Variants in STXBP6 observed in about 807,000 individuals in gnomAD.
STXBP6 encodes syntaxin-binding protein 6.
A neutral mutation model predicts 26.9 loss-of-function variants in STXBP6; 21 were observed. The observed-to-expected ratio is 0.78, with a 90% CI of 0.55 to 1.12. STXBP6 has a LOEUF of 1.12. STXBP6 is among the 50% of genes most tolerant of loss of function. The probability of loss-of-function intolerance (pLI) is 0.00; values close to 1 mark genes in which losing one functional copy is unlikely to be tolerated. For missense variants in STXBP6, 232 were observed against 257.9 expected (o/e 0.90, Z 0.69); for synonymous variants, 97 against 92.6 (o/e 1.05, Z -0.27).
intron 2 of STXBP6, among the ~76,000 whole-genome samples, chr14:24,870,271 AAGT>A (rs1469735194): frequency 1.3e-5 from 2 of 152,144 alleles, no homozygotes; most frequent in African/African-American, 4.8e-5. Context: ...CAAATATGTG[AAGT>A]CCCTAGATCA....
chr14:24,934,340 C>A (rs1311432391), intron 2 of STXBP6, among the ~76,000 whole-genome samples: 1 of 152,142 alleles, frequency 6.6e-6, no homozygotes, highest in Non-Finnish European at 1.5e-5. Flanking sequence ...TTGGTCAAAG[C>A]TTCTTCCTGG....
chr14:25,044,513 CT>C (rs1050355370), intron 1 of STXBP6, among the ~76,000 whole-genome samples: 2 of 152,212 alleles, frequency 1.3e-5, no homozygotes, highest in African/African-American at 4.8e-5. Flanking sequence ...CCAGGCACCC[CT>C]GACTGCTTTC....
In STXBP6 at chr14:24,855,935, C is replaced by T. The variant is rs2069313516; in HGVS notation, c.451+1G>A. ...CTAAAGTCACACAAATGTCCACTCACCTCCCATAATTTTGGATTGGCAGTT... is the reference window on the plus strand; with the variant it reads ...CTAAAGTCACACAAATGTCCACTCATCTCCCATAATTTTGGATTGGCAGTT... On this transcript the variant is annotated splice_donor_variant, in intron 4 of 5. Coordinates refer to ENST00000323944, the MANE Select transcript of STXBP6 (RefSeq NM_001394410.1). LOFTEE classifies it high-confidence loss of function. 2 of 1,598,856 alleles carry T rather than the reference C, an allele frequency of 1.3e-6. No homozygotes were observed. Among genetic ancestry groups the T allele is most frequent in the Non-Finnish European group, 1.7e-6 (2 of 1,174,414 alleles).
intron 2 of STXBP6, among the ~76,000 whole-genome samples, chr14:24,898,087 T>C (rs187352653): frequency 6.6e-6 from 1 of 152,332 alleles, no homozygotes; most frequent in Admixed American, 6.5e-5. Flanking sequence ...AGAAATCATT[T>C]AGTTCAACTT....
At chr14:24,947,640 T>C (rs924018430) in intron 2 of STXBP6, among the ~76,000 whole-genome samples, 2 of 152,188 alleles carry the variant, frequency 1.3e-5, no homozygotes, top group Admixed American at 6.5e-5. Flanking sequence ...TGGGGAAAAC[T>C]GACTAAAAAT....
intron 1 of STXBP6, among the ~76,000 whole-genome samples, chr14:25,043,342 CCTGAAA>C (rs1457717318): frequency 1.3e-5 from 2 of 152,024 alleles, no homozygotes; most frequent in African/African-American, 4.8e-5. Context: ...GAAAATTTAA[CCTGAAA>C]CTGAAACCCT....
At chr14:24,939,806 T>C (rs533573240) in intron 2 of STXBP6, among the ~76,000 whole-genome samples, 1 of 152,364 alleles carries the variant, frequency 6.6e-6, no homozygotes, top group East Asian at 1.9e-4. Context: ...TTTTTAATAC[T>C]GAGTTTTAAA....
At chr14:24,916,571 C>T (rs1309529600) in intron 2 of STXBP6, among the ~76,000 whole-genome samples, 2 of 152,084 alleles carry the variant, frequency 1.3e-5, no homozygotes, top group Non-Finnish European at 2.9e-5. Context: ...GGTTTGTTTG[C>T]TTTGCAGGGT....
intron 1 of STXBP6, among the ~76,000 whole-genome samples, chr14:25,009,004 T>C (rs1202601880): frequency 6.6e-6 from 1 of 152,168 alleles, no homozygotes; most frequent in Non-Finnish European, 1.5e-5. Context: ...ATGTGCTAAC[T>C]CCACAGAGAG....
chr14:24,915,630 C>G (rs2007766191), intron 2 of STXBP6, among the ~76,000 whole-genome samples: 1 of 152,040 alleles, frequency 6.6e-6, no homozygotes, highest in Non-Finnish European at 1.5e-5. Flanking sequence ...ATGTGTATAG[C>G]AATAGTCTTC....
chr14:24,849,268 A>G (rs1418035542), intron 4 of STXBP6, among the ~76,000 whole-genome samples: 1 of 152,110 alleles, frequency 6.6e-6, no homozygotes, highest in Non-Finnish European at 1.5e-5. Flanking sequence ...ATTGGCTGCA[A>G]TGAGGAGGAT....
At chr14:24,941,034 A>T (rs1040291321) in intron 2 of STXBP6, among the ~76,000 whole-genome samples, 1 of 152,082 alleles carries the variant, frequency 6.6e-6, no homozygotes, top group Admixed American at 6.6e-5. Context: ...AACAAAACAA[A>T]CAAACAAAAA....
At chr14:24,969,502 T>C (rs72682965) in intron 2 of STXBP6, among the ~76,000 whole-genome samples, 10,678 of 152,300 alleles carry the variant, frequency 0.07, 500 homozygotes, top group South Asian at 0.16. Context: ...CAACTGACTA[T>C]AGACATTGTT....
At chr14:24,991,137 G>A (rs1019579023) in intron 1 of STXBP6, among the ~76,000 whole-genome samples, 20 of 148,778 alleles carry the variant, frequency 1.3e-4, no homozygotes, top group African/African-American at 5.1e-4. Flanking sequence ...GTGAGAGAAG[G>A]AGGAGGAAGA....
intron 4 of STXBP6, among the ~76,000 whole-genome samples, chr14:24,822,631 G>T (rs2068167443): frequency 6.6e-6 from 1 of 152,054 alleles, no homozygotes; most frequent in African/African-American, 2.4e-5. Context: ...AGATGAAGAT[G>T]TACACGCAGT....
At chr14:24,920,131 A>C (rs1402337691) in intron 2 of STXBP6, among the ~76,000 whole-genome samples, 1 of 152,070 alleles carries the variant, frequency 6.6e-6, no homozygotes, top group African/African-American at 2.4e-5. Flanking sequence ...AAAGCACTAC[A>C]AACATCTTGA....
At chr14:25,031,084 T>C (rs955218189) in intron 1 of STXBP6, among the ~76,000 whole-genome samples, 11 of 152,314 alleles carry the variant, frequency 7.2e-5, no homozygotes, top group African/African-American at 2.6e-4. Flanking sequence ...ACACACAATA[T>C]TGCCAAATTT....
intron 4 of STXBP6, among the ~76,000 whole-genome samples, chr14:24,835,055 T>C (rs2068572080): frequency 6.6e-6 from 1 of 152,226 alleles, no homozygotes; most frequent in South Asian, 2.1e-4. Context: ...AGATTGGTCA[T>C]ATGGCCAGTG....
At position 24,918,452 on chromosome 14, in the gene STXBP6, CCACACACACACACA is replaced by C. The variant is rs55810129; in HGVS notation, c.154+56199_154+56212del. Among the ~76,000 whole-genome samples the C allele has an allele frequency of 9.2e-3, 1,229 of 133,474 alleles. 3 individuals are homozygous for C. The highest frequency in any genetic ancestry group is 0.012 in the Non-Finnish European group (756 of 62,614). The allele number at this position is 133,474 out of a possible 152,430, so 87.6% of individuals were successfully genotyped here. A position where few individuals can be genotyped will look rare whatever the true frequency, so the allele number is the denominator to read the frequency against. ...TTATTTCTTAAAAACCACACCCCCA[CCACACACACACACA>C]CACACACACACACACACACACACAC... On this transcript the variant is annotated intron_variant, in intron 2 of 5. Transcript: ENST00000323944.
Sources: allele counts gnomAD v4.1 joint callset (sites outside exome capture counted in the v4.1 genomes callset), GRCh38; gene constraint gnomAD v4.1.1; transcripts MANE v1.5; gene names NCBI Gene and HGNC (gene_info 2026-07-23, HGNC 2026-07-21).